The following PROSER2 variants were observed in gnomAD, a reference collection of about 807,000 sequenced individuals.
PROSER2 encodes proline and serine-rich protein 2.
In PROSER2, 18 loss-of-function variants were observed where a neutral mutation model predicts 14.6. That is an observed-to-expected ratio of 1.23 (90% CI 0.85 to 1.83). PROSER2 has a LOEUF of 1.83. Ranked by LOEUF, PROSER2 falls within the 40% of genes most tolerant of loss-of-function variation. The pLI is 0.00. For synonymous variants in PROSER2, 367 were observed against 286.4 expected (o/e 1.28, Z -2.84); for missense variants, 823 against 629.8 (o/e 1.31, Z -3.28).
chr10:11,853,900 TC>T (rs1834075610), intron 2 of PROSER2, among the ~76,000 whole-genome samples: 1 of 152,212 alleles, frequency 6.6e-6, no homozygotes, highest in African/African-American at 2.4e-5. Flanking sequence ...TTCTTTCCTA[TC>T]CGGTAAATCA....
At chr10:11,847,318 C>T (rs1290211609) in intron 1 of PROSER2, among the ~76,000 whole-genome samples, 2 of 152,126 alleles carry the variant, frequency 1.3e-5, no homozygotes, top group Admixed American at 1.3e-4. Context: ...CCCAGCGCAG[C>T]CCGCTGCAGT....
rs1316543235 is a variant in PROSER2, at chr10:11,870,780, T to G, written c.*374T>G. 1 of 192,570 alleles carries G rather than the reference T, an allele frequency of 5.2e-6. No homozygotes were observed. The highest frequency in any genetic ancestry group is 1.2e-5 in the Non-Finnish European group (1 of 85,482). 11.9% of individuals were successfully genotyped at this position (192,570 alleles called of 1,614,324 possible). Reference sequence around the variant, plus strand: ...TCATTCTTGAGTCTCATCTACCCTCTTCTCGAAGTACATGACATGAAAGTT... The same window carrying G: ...TCATTCTTGAGTCTCATCTACCCTCGTCTCGAAGTACATGACATGAAAGTT... On this transcript the variant is annotated 3_prime_UTR_variant, in exon 4 of 4. Coordinates refer to ENST00000277570, the MANE Select transcript of PROSER2 (RefSeq NM_153256.4).
intron 2 of PROSER2, among the ~76,000 whole-genome samples, chr10:11,863,378 C>CA (rs1214334751): frequency 2.0e-5 from 3 of 151,572 alleles, no homozygotes; most frequent in Non-Finnish European, 2.9e-5. Context: ...TCTGATAAGA[C>CA]AAAAAAAATA....
intron 1 of PROSER2, among the ~76,000 whole-genome samples, chr10:11,845,171 T>C (rs1488441059): frequency 6.6e-6 from 1 of 152,170 alleles, no homozygotes; most frequent in Non-Finnish European, 1.5e-5. Context: ...AATTTCTCGG[T>C]AGGATAAATT....
Position 11,856,814 on chromosome 10 carries a change from G to A in PROSER2, c.138+4599G>A, listed in dbSNP as rs193036406. 2.6e-5 allele frequency among the ~76,000 whole-genome samples: 4 copies of A among 152,294 alleles called. No individual in the cohort carries two copies. The highest frequency in any genetic ancestry group is 5.9e-5 in the Non-Finnish European group (4 of 68,028). On this transcript the variant is annotated intron_variant, in intron 2 of 3. Coordinates refer to ENST00000277570, the MANE Select transcript of PROSER2 (RefSeq NM_153256.4). This position sits in a 1 kb window ranked among gnomAD's most constrained non-coding sequence, Gnocchi z 5.3. ...TGGCAAGCACTGGGGGGCTTCCCAC[G>A]TGGCCGGGCCGGAGCAAAGTCTGAG... is the stretch of plus-strand genomic sequence containing the variant.
At chr10:11,868,398 C>T (rs1834396154) in intron 3 of PROSER2, among the ~76,000 whole-genome samples, 1 of 152,198 alleles carries the variant, frequency 6.6e-6, no homozygotes, top group Non-Finnish European at 1.5e-5. Context: ...ACCTCAGCCT[C>T]CCAAGTAGCT....
Position 11,870,182 on chromosome 10 carries a change from G to T in PROSER2, c.1084G>T (p.Ala362Ser), listed in dbSNP as rs200622168. The T allele has an allele frequency of 3.4e-6, 5 of 1,484,842 alleles. No homozygotes were observed. The East Asian group carries it at 8.7e-5, about 26-fold the overall frequency. The allele number at this position is 1,484,842 out of a possible 1,614,324, so 92.0% of individuals were successfully genotyped here. Residue 362 changes from alanine to serine, a missense_variant, in exon 4 of 4, where the codon GCT (alanine) becomes TCT (serine). Coordinates refer to ENST00000277570, the MANE Select transcript of PROSER2 (RefSeq NM_153256.4). ...LKSAPSSFAPAGKSLCFRPGP... is the reference protein window; with the variant it reads ...LKSAPSSFAPSGKSLCFRPGP... The stretch of plus-strand genomic sequence containing the variant: ...GAGCGCACCCAGCTCCTTCGCGCCC[G>T]CTGGGAAGTCCCTCTGCTTCCGCCC...
chr10:11,826,781 C>T (rs1342708038), intron 1 of PROSER2, among the ~76,000 whole-genome samples: 6 of 151,618 alleles, frequency 4.0e-5, no homozygotes, highest in African/African-American at 1.2e-4. Context: ...GGGGTTTCGC[C>T]GTGTTAGCCA....
chr10:11,836,038 T>C lies in PROSER2; in HGVS notation c.-82+12568T>C, dbSNP rs1332485038. On this transcript the variant is annotated intron_variant, in intron 1 of 3. Transcript: ENST00000277570. This position sits in a 1 kb window ranked among gnomAD's most constrained non-coding sequence, Gnocchi z 4.6. ...GGGATTTTGGGGGGATGTGGCTTTA[T>C]TTATTTATCTAGAGACAGAGTCTCA... is the stretch of plus-strand genomic sequence containing the variant. Among the ~76,000 whole-genome samples, 1 of 152,034 alleles carries C rather than the reference T, an allele frequency of 6.6e-6. No individual in the cohort carries two copies. The highest frequency in any genetic ancestry group is 1.9e-4 in the East Asian group (1 of 5,172).
intron 1 of PROSER2, among the ~76,000 whole-genome samples, chr10:11,841,314 G>C (rs547554281): frequency 2.6e-5 from 4 of 151,796 alleles, no homozygotes; most frequent in Non-Finnish European, 5.9e-5. Flanking sequence ...TTTTTATTCT[G>C]ATATTGTTCA....
chr10:11,866,851 T>G lies in PROSER2; in HGVS notation c.391+68T>G. 1 of 1,530,952 alleles carries G rather than the reference T, an allele frequency of 6.5e-7. No individual in the cohort carries two copies. Among genetic ancestry groups the G allele is most frequent in the South Asian group, 1.2e-5 (1 of 81,328 alleles). The allele number at this position is 1,530,952 out of a possible 1,614,324, so 94.8% of individuals were successfully genotyped here. A position where few individuals can be genotyped will look rare whatever the true frequency, so the allele number is the denominator to read the frequency against. On this transcript the variant is annotated intron_variant, in intron 3 of 3. Transcript: ENST00000277570. The surrounding 1 kb of genome is among the most constrained non-coding windows in gnomAD (Gnocchi z 6.0). ...TGTCTGTGAGACCCAGAGATACTTC[T>G]TTTGTGTTCCCCTGTGTTTGCCAGT...
chr10:11,829,125 G>A (rs1833656088), intron 1 of PROSER2, among the ~76,000 whole-genome samples: 1 of 152,022 alleles, frequency 6.6e-6, no homozygotes, highest in African/African-American at 2.4e-5. Context: ...CTCTCCTGTG[G>A]AGTAGACGTT....
chr10:11,832,402 T>C (rs1334298999), intron 1 of PROSER2, among the ~76,000 whole-genome samples: 1 of 152,236 alleles, frequency 6.6e-6, no homozygotes, highest in Non-Finnish European at 1.5e-5. Context: ...TTTATTTTAC[T>C]GCAGCCTCTG....
At position 11,848,778 on chromosome 10, in the gene PROSER2, C is replaced by T. The variant is rs146236051; in HGVS notation, c.-81-3219C>T. On this transcript the variant is annotated intron_variant, in intron 1 of 3. Coordinates refer to ENST00000277570, the MANE Select transcript of PROSER2 (RefSeq NM_153256.4). The stretch of plus-strand genomic sequence containing the variant: ...TCTTGTGCTTGAGCTGAGTTCACTG[C>T]TTTATCCTGCGCACTTGCCATTTTT... Among the ~76,000 whole-genome samples, 281 of 152,324 alleles carry T rather than the reference C, an allele frequency of 1.8e-3. 1 individual carries two copies. The highest frequency in any genetic ancestry group is 6.6e-3 in the African/African-American group (273 of 41,564).
In PROSER2 at chr10:11,870,577, C is replaced by A. The variant is rs1390677745; in HGVS notation, c.*171C>A. ...CTGGCTGGGGCCTCCTGGCTGAGCA[C>A]GCACCGCAAGCTCCAGCCACCGGCA... On this transcript the variant is annotated 3_prime_UTR_variant, in exon 4 of 4. Coordinates refer to ENST00000277570, the MANE Select transcript of PROSER2 (RefSeq NM_153256.4). The A allele has an allele frequency of 1.9e-6, 1 of 522,572 alleles. No homozygotes were observed. The highest frequency in any genetic ancestry group is 3.6e-5 in the East Asian group (1 of 28,044). 32.4% of individuals were successfully genotyped at this position (522,572 alleles called of 1,614,324 possible). A position where few individuals can be genotyped will look rare whatever the true frequency, so the allele number is the denominator to read the frequency against.
Position 11,852,132 on chromosome 10 carries a change from C to T in PROSER2, c.55C>T (p.Pro19Ser). 6.2e-7 allele frequency: 1 copy of T among 1,613,700 alleles called. No homozygotes were observed. Among genetic ancestry groups the T allele is most frequent in the South Asian group, 1.1e-5 (1 of 90,904 alleles). Residue 19 changes from proline to serine, a missense_variant, in exon 2 of 4, where the codon CCC becomes TCC. Coordinates refer to ENST00000277570, the MANE Select transcript of PROSER2 (RefSeq NM_153256.4). ...DASDMNSDTS[P>S]SCRLRAFSRG... is the part of the protein sequence containing the mutation. ...ATCTGACATGAACTCAGACACGTCC[C>T]CCAGCTGCAGGCTCCGAGCCTTCAG... is the stretch of plus-strand genomic sequence containing the variant.
At position 11,856,958 on chromosome 10, in the gene PROSER2, C is replaced by T. The variant is rs944161677; in HGVS notation, c.138+4743C>T. ...CCATAACCCCGCCCTTTCATGCTGC[C>T]TTCTCACCCAGCTGGAATCCAAATG... is the stretch of plus-strand genomic sequence containing the variant. On this transcript the variant is annotated intron_variant, in intron 2 of 3. Transcript: ENST00000277570. The surrounding 1 kb of genome is among the most constrained non-coding windows in gnomAD (Gnocchi z 5.3). Among the ~76,000 whole-genome samples, 11 of 152,236 alleles carry T rather than the reference C, an allele frequency of 7.2e-5. No homozygotes were observed. The highest frequency in any genetic ancestry group is 2.0e-4 in the Admixed American group (3 of 15,282).
intron 2 of PROSER2, among the ~76,000 whole-genome samples, chr10:11,859,455 A>G (rs1294076753): frequency 1.3e-5 from 2 of 152,112 alleles, no homozygotes; most frequent in Non-Finnish European, 2.9e-5. Flanking sequence ...AATTTGTGAG[A>G]AGGGAATTTA....
intron 1 of PROSER2, among the ~76,000 whole-genome samples, chr10:11,840,993 ATGG>A (rs1173480130): frequency 2.2e-5 from 2 of 88,906 alleles, no homozygotes; most frequent in Non-Finnish European, 4.3e-5. Flanking sequence ...TATATATATG[ATGG>A]TGGGGGTTGT....
Sources: allele counts gnomAD v4.1 joint callset (sites outside exome capture counted in the v4.1 genomes callset), GRCh38; gene constraint gnomAD v4.1.1; non-coding constraint Gnocchi (gnomAD v3.1); transcripts MANE v1.5; gene names NCBI Gene and HGNC (gene_info 2026-07-23, HGNC 2026-07-21).